The following WWTR1 variants were observed in gnomAD, a reference collection of about 807,000 sequenced individuals.
The protein encoded by WWTR1 is WW domain containing transcription regulator 1.
In WWTR1, 13 loss-of-function variants were observed where a neutral mutation model predicts 40.1. The observed-to-expected ratio is 0.32, with a 90% CI of 0.21 to 0.52. The LOEUF (loss-of-function observed/expected upper bound fraction) is 0.52. Ranked by LOEUF, WWTR1 falls within the 20% of genes least tolerant of loss-of-function variation. WWTR1 has a pLI of 0.97. For missense variants in WWTR1, 436 were observed against 523.1 expected (o/e 0.83, Z 1.63); for synonymous variants, 230 against 210.1 (o/e 1.09, Z -0.82).
intron 6 of WWTR1, among the ~76,000 whole-genome samples, chr3:149,522,205 G>C (rs1735083088): frequency 6.6e-6 from 1 of 152,182 alleles, no homozygotes; most frequent in Non-Finnish European, 1.5e-5. Context: ...TCTTTTGTGT[G>C]TTACAAGTGC....
intron 2 of WWTR1, among the ~76,000 whole-genome samples, chr3:149,603,712 A>C (rs1739357620): frequency 1.3e-5 from 2 of 152,148 alleles, no homozygotes; most frequent in South Asian, 4.1e-4. Context: ...TCCACACAGA[A>C]AGTTTTGTGT....
At chr3:149,648,209 AG>A (rs1458165065) in intron 2 of WWTR1, among the ~76,000 whole-genome samples, 2 of 152,304 alleles carry the variant, frequency 1.3e-5, no homozygotes, top group Admixed American at 6.5e-5. Context: ...TTGCAGTCAA[AG>A]GGGCACAGAT....
chr3:149,596,771 T>G (rs1369197214), intron 2 of WWTR1, among the ~76,000 whole-genome samples: 1 of 152,264 alleles, frequency 6.6e-6, no homozygotes, highest in African/African-American at 2.4e-5. Context: ...GATAAGCTAC[T>G]GTGCTTCTAT....
chr3:149,672,486 T>C (rs1305331856), intron 1 of WWTR1, among the ~76,000 whole-genome samples: 2 of 152,182 alleles, frequency 1.3e-5, no homozygotes, highest in Admixed American at 1.3e-4. Flanking sequence ...TAATAGTTTC[T>C]ACCATGGCCA....
chr3:149,693,865 A>C (rs1366496197), intron 1 of WWTR1, among the ~76,000 whole-genome samples: 2 of 152,330 alleles, frequency 1.3e-5, no homozygotes, highest in East Asian at 3.9e-4. Flanking sequence ...TTGATATATA[A>C]AAATCAAATA....
At chr3:149,585,458 G>A (rs1332150810) in intron 2 of WWTR1, among the ~76,000 whole-genome samples, 4 of 152,090 alleles carry the variant, frequency 2.6e-5, no homozygotes, top group African/African-American at 9.7e-5. Context: ...TCATATAGTC[G>A]AGTAGTTAAG....
At chr3:149,573,201 A>G (rs191322026) in intron 2 of WWTR1, among the ~76,000 whole-genome samples, 28 of 152,226 alleles carry the variant, frequency 1.8e-4, no homozygotes, top group African/African-American at 5.8e-4. Flanking sequence ...GGGATTCTGC[A>G]AGCAGCTCTC....
At chr3:149,616,853 C>T (rs1476656488) in intron 2 of WWTR1, among the ~76,000 whole-genome samples, 2 of 152,126 alleles carry the variant, frequency 1.3e-5, no homozygotes, top group Non-Finnish European at 2.9e-5. Context: ...AGGCCATGTA[C>T]TTATTCATTA....
intron 2 of WWTR1, among the ~76,000 whole-genome samples, chr3:149,592,386 C>G (rs1738771172): frequency 6.6e-6 from 1 of 152,132 alleles, no homozygotes; most frequent in Non-Finnish European, 1.5e-5. Context: ...TCTGAACACA[C>G]ACTGTGCTTC....
At chr3:149,656,385 C>A (rs1203883274) in intron 2 of WWTR1, among the ~76,000 whole-genome samples, 2 of 152,188 alleles carry the variant, frequency 1.3e-5, no homozygotes, top group Non-Finnish European at 2.9e-5. Context: ...GGCCTACCAA[C>A]CACTGTTCAC....
chr3:149,708,215 A>C (rs765561779), upstream of WWTR1, among the ~76,000 whole-genome samples: 16 of 151,990 alleles, frequency 1.1e-4, no homozygotes, highest in South Asian at 2.1e-4. Flanking sequence ...ACGCAGACTC[A>C]CTATGGTCTA....
chr3:149,546,896 T>C (rs1736387788), intron 3 of WWTR1, among the ~76,000 whole-genome samples: 1 of 152,084 alleles, frequency 6.6e-6, no homozygotes, highest in African/African-American at 2.4e-5. Flanking sequence ...TTTATCAAGG[T>C]CATAAAACCG....
chr3:149,711,510 A>C lies in WWTR1; in HGVS notation n.584+5932T>G, dbSNP rs1283626499. 4.6e-5 allele frequency among the ~76,000 whole-genome samples: 7 copies of C among 152,304 alleles called. No individual in the cohort carries two copies. The East Asian group carries it at 1.2e-3, about 25-fold the overall frequency. On this transcript the variant is annotated intron_variant and non_coding_transcript_variant, in intron 5 of 6. Transcript: ENST00000474080. ...GAGCTTACTTTATTTTATAAAGAAC[A>C]ATCTAGCCAGCTTCTGGGCATATAC...
At position 149,521,106 on chromosome 3, in the gene WWTR1, C is replaced by A. The variant is rs1038585169; in HGVS notation, c.1019-117G>T. On this transcript the variant is annotated intron_variant, in intron 6 of 6. Transcript: ENST00000360632. ...TGTCTTCAACTACCACATTATTGAC[C>A]CTTACTCATAAGAGGTACAGAGATG... The A allele has an allele frequency of 1.0e-5, 12 of 1,204,812 alleles. No individual in the cohort carries two copies. The African/African-American group carries it at 1.1e-4, about 11-fold the overall frequency. 74.6% of individuals were successfully genotyped at this position (1,204,812 alleles called of 1,614,324 possible).
At chr3:149,659,141 T>G (rs1713445847), upstream of WWTR1, among the ~76,000 whole-genome samples, 1 of 151,944 alleles carries the variant, frequency 6.6e-6, no homozygotes, top group African/African-American at 2.4e-5. Context: ...GGGGAAAGGG[T>G]GGGGGGAGAT....
At chr3:149,709,979 G>A (rs868487316) in intron 5 of WWTR1, among the ~76,000 whole-genome samples, 5 of 152,246 alleles carry the variant, frequency 3.3e-5, no homozygotes, top group East Asian at 1.9e-4. Flanking sequence ...GTTTAGGAAC[G>A]GAATGAGGCT....
intron 2 of WWTR1, among the ~76,000 whole-genome samples, chr3:149,612,464 A>G (rs1473541882): frequency 6.6e-6 from 1 of 152,104 alleles, no homozygotes; most frequent in East Asian, 1.9e-4. Context: ...CCTTAAGAGA[A>G]AGGTATCATT....
chr3:149,635,055 T>C (rs2108114970), intron 2 of WWTR1, among the ~76,000 whole-genome samples: 1 of 152,332 alleles, frequency 6.6e-6, no homozygotes, highest in Middle Eastern at 3.4e-3. Flanking sequence ...CAAAGAGCCC[T>C]GTATAATCAG....
intron 4 of WWTR1, among the ~76,000 whole-genome samples, chr3:149,535,800 G>T (rs548060376): frequency 1.3e-5 from 2 of 151,720 alleles, no homozygotes; most frequent in South Asian, 4.2e-4. Flanking sequence ...ATCACTTGAG[G>T]CCAGGAGTTC....
Sources: allele counts gnomAD v4.1 joint callset (sites outside exome capture counted in the v4.1 genomes callset), GRCh38; gene constraint gnomAD v4.1.1; transcripts MANE v1.5; gene names NCBI Gene and HGNC (gene_info 2026-07-23, HGNC 2026-07-21).